TMEM74: variants seen among roughly 807,000 people sequenced by gnomAD.
The protein encoded by TMEM74 is transmembrane protein 74.
In TMEM74, 13 loss-of-function variants were observed where a neutral mutation model predicts 18.1. That is an observed-to-expected ratio of 0.72 (90% CI 0.47 to 1.14). The LOEUF is 1.14. TMEM74 is among the 50% of genes most tolerant of loss of function. The pLI is 0.00. For synonymous variants in TMEM74, 159 were observed against 146.6 expected (o/e 1.08, Z -0.61); for missense variants, 372 against 375.9 (o/e 0.99, Z 0.09).
chr8:108,784,966 G>A lies in TMEM74; in HGVS notation c.133C>T (p.Gln45Ter). The A allele has an allele frequency of 6.2e-7, 1 of 1,614,168 alleles. No individual in the cohort carries two copies. Among genetic ancestry groups the A allele is most frequent in the Non-Finnish European group, 8.5e-7 (1 of 1,180,026 alleles). The change falls in exon 2 of 2, where the codon CAG becomes TAG. Residue 45 changes from glutamine to a stop codon, truncating the protein, a stop_gained. Transcript: ENST00000297459. LOFTEE classifies it high-confidence loss of function. ...ATRAALCCQK[Q>*]CASTPRATEM... ...GTTGCTCTTGGGGTGGATGCACACTGTTTCTGACAGCAGAGAGCAGCTCTT... is the reference window on the plus strand; with the variant it reads ...GTTGCTCTTGGGGTGGATGCACACTATTTCTGACAGCAGAGAGCAGCTCTT...
At chr8:108,707,768 T>C (rs1391768150) in intron 1 of TMEM74, among the ~76,000 whole-genome samples, 9 of 152,140 alleles carry the variant, frequency 5.9e-5, no homozygotes, top group Admixed American at 5.9e-4. Flanking sequence ...TAAAATCTTC[T>C]TGTCGTTGGT....
chr8:108,770,617 C>G (rs1247163672), intron 1 of TMEM74, among the ~76,000 whole-genome samples: 5 of 152,178 alleles, frequency 3.3e-5, no homozygotes, highest in Admixed American at 3.3e-4. Context: ...TCTTTCTACT[C>G]TATTTTCCTC....
chr8:108,635,010 A>T (rs1475848871), intron 2 of TMEM74, among the ~76,000 whole-genome samples: 2 of 151,884 alleles, frequency 1.3e-5, no homozygotes, highest in East Asian at 1.9e-4. Context: ...ATATGCATTC[A>T]TATTCACCTC....
intron 2 of TMEM74, among the ~76,000 whole-genome samples, chr8:108,628,328 T>A (rs1026076190): frequency 6.6e-6 from 1 of 152,030 alleles, no homozygotes; most frequent in Non-Finnish European, 1.5e-5. Flanking sequence ...AGGAACCAAA[T>A]GTTTAGGTTC....
At chr8:108,739,933 AG>A (rs1489950785) in intron 1 of TMEM74, among the ~76,000 whole-genome samples, 1 of 152,138 alleles carries the variant, frequency 6.6e-6, no homozygotes, top group African/African-American at 2.4e-5. Context: ...GCAATCGTGG[AG>A]GCTGTGAAGG....
intron 1 of TMEM74, among the ~76,000 whole-genome samples, chr8:108,701,499 A>G (rs1181585348): frequency 6.6e-6 from 1 of 152,210 alleles, no homozygotes; most frequent in Admixed American, 6.5e-5. Flanking sequence ...ACAAAATCTG[A>G]TTTAACAAAA....
intron 1 of TMEM74, among the ~76,000 whole-genome samples, chr8:108,756,603 G>GAGA (rs1563543625): frequency 1.2e-3 from 55 of 44,266 alleles, no homozygotes; most frequent in African/African-American, 4.9e-3. Context: ...AAAGAGAAAG[G>GAGA]AAGGAAGGAA....
At chr8:108,696,993 A>G (rs1186313392) in intron 1 of TMEM74, among the ~76,000 whole-genome samples, 2 of 152,102 alleles carry the variant, frequency 1.3e-5, no homozygotes, top group East Asian at 3.9e-4. Context: ...CCTACTTTAG[A>G]TTTTACTTTT....
At chr8:108,703,233 A>C (rs1813354691) in intron 1 of TMEM74, among the ~76,000 whole-genome samples, 1 of 152,232 alleles carries the variant, frequency 6.6e-6, no homozygotes, top group Non-Finnish European at 1.5e-5. Flanking sequence ...AGATCCTCTT[A>C]TCCCAAATTA....
At chr8:108,769,322 A>G (rs1363374897) in intron 1 of TMEM74, among the ~76,000 whole-genome samples, 1 of 152,022 alleles carries the variant, frequency 6.6e-6, no homozygotes, top group Non-Finnish European at 1.5e-5. Flanking sequence ...ACAAGACTCT[A>G]TCTTACACAC....
chr8:108,771,353 G>T (rs1409124919), intron 1 of TMEM74, among the ~76,000 whole-genome samples: 1 of 152,088 alleles, frequency 6.6e-6, no homozygotes. Flanking sequence ...CCTTGACTCA[G>T]TGCTGATGTA....
chr8:108,656,637 C>T (rs1223541251), intron 1 of TMEM74, among the ~76,000 whole-genome samples: 3 of 152,182 alleles, frequency 2.0e-5, no homozygotes, highest in South Asian at 2.1e-4. Context: ...TTCATTGTCC[C>T]GAAGAGACCA....
At chr8:108,612,532 TG>T (rs943452195) in intron 2 of TMEM74, among the ~76,000 whole-genome samples, 3 of 152,226 alleles carry the variant, frequency 2.0e-5, no homozygotes, top group Non-Finnish European at 4.4e-5. Context: ...CTTTCAGTGT[TG>T]GGCTCTGGAA....
intron 2 of TMEM74, among the ~76,000 whole-genome samples, chr8:108,634,522 A>G (rs1812587851): frequency 6.6e-6 from 1 of 151,948 alleles, no homozygotes. Flanking sequence ...CTGCAGAATA[A>G]GGCTACCCAC....
chr8:108,619,289 A>G (rs1483614933), intron 2 of TMEM74, among the ~76,000 whole-genome samples: 1 of 152,206 alleles, frequency 6.6e-6, no homozygotes, highest in Non-Finnish European at 1.5e-5. Flanking sequence ...ATAATTTTTA[A>G]AAGTCCAAGA....
At chr8:108,724,084 C>T (rs1278335106) in intron 1 of TMEM74, among the ~76,000 whole-genome samples, 1 of 152,134 alleles carries the variant, frequency 6.6e-6, no homozygotes, top group Admixed American at 6.6e-5. Context: ...TCATTATTTG[C>T]TTGATGATTG....
At position 108,652,654 on chromosome 8, in the gene TMEM74, GA is replaced by G; in HGVS notation, n.264+2638del. ...AAAAGAAAGCAAGAAAAAGAAAGAA[GA>G]AAAGCCAATTGTGCAGAAAATCCAG... On this transcript the variant is annotated intron_variant and non_coding_transcript_variant, in intron 2 of 3. Coordinates refer to the TMEM74 transcript ENST00000518838. 6.9e-5 allele frequency: 43 copies of G among 621,384 alleles called. 2 individuals carry two copies. Among genetic ancestry groups the G allele is most frequent in the South Asian group, 6.5e-4 (41 of 62,628 alleles). 38.5% of individuals were successfully genotyped at this position (621,384 alleles called of 1,614,324 possible). A position where few individuals can be genotyped will look rare whatever the true frequency, so the allele number is the denominator to read the frequency against.
At chr8:108,653,087 G>C (rs1368129725) in intron 2 of TMEM74, 1 of 173,874 alleles carries the variant, frequency 5.8e-6, no homozygotes, top group Non-Finnish European at 1.2e-5. Context: ...AAAGCATTCA[G>C]AAGAAGGTGA....
chr8:108,736,215 A>G (rs1012463964), intron 1 of TMEM74, among the ~76,000 whole-genome samples: 2 of 152,120 alleles, frequency 1.3e-5, no homozygotes, highest in Non-Finnish European at 2.9e-5. Flanking sequence ...AACATAAGAA[A>G]GTACTTTCTG....
Sources: gnomAD v4.1 joint callset for allele counts (sites outside exome capture counted in the v4.1 genomes callset) on GRCh38, gnomAD v4.1.1 for gene constraint, MANE v1.5 for transcripts, NCBI Gene and HGNC (gene_info 2026-07-23, HGNC 2026-07-21) for gene names.